The following NOVA1 variants were observed in gnomAD, a reference collection of about 807,000 sequenced individuals.
NOVA1 encodes RNA-binding protein Nova-1.
In NOVA1, 7 loss-of-function variants were observed where a neutral mutation model predicts 38.0. The observed-to-expected ratio is 0.18, with a 90% CI of 0.10 to 0.35. NOVA1 has a LOEUF of 0.35. NOVA1 is among the 10% of genes least tolerant of loss of function. The pLI is 1.00. For synonymous variants in NOVA1, 270 were observed against 232.5 expected (o/e 1.16, Z -1.47); for missense variants, 460 against 616.0 (o/e 0.75, Z 2.68).
intron 4 of NOVA1, among the ~76,000 whole-genome samples, chr14:26,456,758 T>C (rs967697743): frequency 6.6e-6 from 1 of 152,004 alleles, no homozygotes; most frequent in Admixed American, 6.6e-5. Flanking sequence ...CAGAGGACAT[T>C]GTACAATGTA....
chr14:26,558,182 A>G (rs1207323152), intron 2 of NOVA1, among the ~76,000 whole-genome samples: 1 of 152,028 alleles, frequency 6.6e-6, no homozygotes, highest in African/African-American at 2.4e-5. Context: ...TCTTATATAT[A>G]TATATATGAA....
Position 26,446,685 on chromosome 14 carries a change from A to T in NOVA1, c.*1274T>A, listed in dbSNP as rs1463240209. On this transcript the variant is annotated 3_prime_UTR_variant, in exon 5 of 5. Coordinates refer to ENST00000539517, the MANE Select transcript of NOVA1 (RefSeq NM_002515.3). ...CAAATGGCCTGGACAGTTGGCACTCAGGAGAGGTACAGAAGAGGGTGACAG... is the reference window on the plus strand; with the variant it reads ...CAAATGGCCTGGACAGTTGGCACTCTGGAGAGGTACAGAAGAGGGTGACAG... 1 of 152,736 alleles carries T rather than the reference A, an allele frequency of 6.5e-6. No homozygotes were observed. Among genetic ancestry groups the T allele is most frequent in the African/African-American group, 2.4e-5 (1 of 41,446 alleles). The allele number at this position is 152,736 out of a possible 1,614,324, so 9.5% of individuals were successfully genotyped here. A position where few individuals can be genotyped will look rare whatever the true frequency, so the allele number is the denominator to read the frequency against.
chr14:26,482,248 T>C (rs1885530495), intron 2 of NOVA1, among the ~76,000 whole-genome samples: 1 of 152,128 alleles, frequency 6.6e-6, no homozygotes. Context: ...TTGCAGTACA[T>C]ACTGTTTGAA....
intron 2 of NOVA1, among the ~76,000 whole-genome samples, chr14:26,580,402 GATT>G (rs1893138985): frequency 6.6e-6 from 1 of 152,034 alleles, no homozygotes; most frequent in Admixed American, 6.6e-5. Context: ...TTTCACATGA[GATT>G]ATTATAATTT....
At chr14:26,523,877 A>C (rs1378478163) in intron 2 of NOVA1, among the ~76,000 whole-genome samples, 1 of 151,004 alleles carries the variant, frequency 6.6e-6, no homozygotes, top group Non-Finnish European at 1.5e-5. Flanking sequence ...CAGCCTCCTG[A>C]GTAGCTGGGA....
At chr14:26,462,511 G>A (rs1883768099) in intron 4 of NOVA1, among the ~76,000 whole-genome samples, 1 of 151,614 alleles carries the variant, frequency 6.6e-6, no homozygotes, top group Admixed American at 6.6e-5. Flanking sequence ...TCTCATAATA[G>A]GTCTATTAAT....
intron 2 of NOVA1, among the ~76,000 whole-genome samples, chr14:26,510,798 T>C (rs1284081626): frequency 6.6e-6 from 1 of 152,158 alleles, no homozygotes; most frequent in Non-Finnish European, 1.5e-5. Flanking sequence ...AAAGACTACC[T>C]GTCAGAGTTA....
At chr14:26,560,214 C>A (rs1055883485) in intron 2 of NOVA1, among the ~76,000 whole-genome samples, 1 of 151,942 alleles carries the variant, frequency 6.6e-6, no homozygotes, top group Non-Finnish European at 1.5e-5. Flanking sequence ...TTTAATAATA[C>A]ATGTCTTTAA....
intron 2 of NOVA1, among the ~76,000 whole-genome samples, chr14:26,574,378 T>C (rs1345507637): frequency 6.7e-6 from 1 of 150,170 alleles, no homozygotes; most frequent in Non-Finnish European, 1.5e-5. Context: ...TAGAAACGAG[T>C]ATCATAAAAT....
At chr14:26,503,642 T>G (rs116571685) in intron 2 of NOVA1, among the ~76,000 whole-genome samples, 2,115 of 152,088 alleles carry the variant, frequency 0.014, 54 homozygotes, top group African/African-American at 0.049. Flanking sequence ...AAATTAAAAT[T>G]CACAAGCAAA....
At chr14:26,530,897 C>T (rs560805326) in intron 2 of NOVA1, among the ~76,000 whole-genome samples, 4 of 152,174 alleles carry the variant, frequency 2.6e-5, no homozygotes, top group African/African-American at 9.6e-5. Context: ...TATAACAATA[C>T]GAATGACATT....
chr14:26,546,409 TTATC>T (rs1890791304), intron 2 of NOVA1, among the ~76,000 whole-genome samples: 1 of 152,216 alleles, frequency 6.6e-6, no homozygotes, highest in East Asian at 1.9e-4. Context: ...TTTTAAAAAA[TTATC>T]TATTTGAGAG....
At chr14:26,475,448 T>G (rs1366251015) in intron 3 of NOVA1, among the ~76,000 whole-genome samples, 1 of 152,234 alleles carries the variant, frequency 6.6e-6, no homozygotes, top group East Asian at 1.9e-4. Flanking sequence ...ATCATGAAGA[T>G]GTAATTAACT....
chr14:26,569,692 GC>G (rs954143774), intron 2 of NOVA1, among the ~76,000 whole-genome samples: 1 of 152,106 alleles, frequency 6.6e-6, no homozygotes, highest in Non-Finnish European at 1.5e-5. Context: ...AATCAAAGAA[GC>G]AAAAGTGGCC....
At position 26,444,337 on chromosome 14, in the gene NOVA1, T is replaced by C. The variant is rs995004503; in HGVS notation, c.*3622A>G. The C allele has an allele frequency of 6.6e-6, 1 of 152,146 alleles. No homozygotes were observed. Among genetic ancestry groups the C allele is most frequent in the African/African-American group, 2.4e-5 (1 of 41,436 alleles). 9.4% of individuals were successfully genotyped at this position (152,146 alleles called of 1,614,324 possible). A position where few individuals can be genotyped will look rare whatever the true frequency, so the allele number is the denominator to read the frequency against. ...TCTTGATAGCACCATTTACACATTC[T>C]TAAAGTAAACATTAATATGCACTTT... On this transcript the variant is annotated 3_prime_UTR_variant, in exon 5 of 5. Transcript: ENST00000539517.
intron 2 of NOVA1, among the ~76,000 whole-genome samples, chr14:26,493,067 C>T (rs1283406105): frequency 1.3e-5 from 2 of 152,162 alleles, no homozygotes; most frequent in African/African-American, 4.8e-5. Flanking sequence ...CAACTCAACT[C>T]ATTTGCTAAA....
chr14:26,576,616 T>C (rs984683635), intron 2 of NOVA1, among the ~76,000 whole-genome samples: 4 of 151,846 alleles, frequency 2.6e-5, no homozygotes, highest in Admixed American at 6.6e-5. Flanking sequence ...TGTGTATATA[T>C]ATATACACAT....
At chr14:26,509,200 G>C (rs933474177) in intron 2 of NOVA1, among the ~76,000 whole-genome samples, 2 of 152,116 alleles carry the variant, frequency 1.3e-5, no homozygotes, top group Admixed American at 6.5e-5. Context: ...ATAGTAAGCA[G>C]AAAGCCTGAA....
At chr14:26,570,198 T>C (rs921483071) in intron 2 of NOVA1, among the ~76,000 whole-genome samples, 10 of 151,902 alleles carry the variant, frequency 6.6e-5, no homozygotes, top group African/African-American at 2.4e-4. Flanking sequence ...AATACAAAAA[T>C]TAGCCGGCAG....
Sources: gnomAD v4.1 joint callset for allele counts (sites outside exome capture counted in the v4.1 genomes callset) on GRCh38, gnomAD v4.1.1 for gene constraint, MANE v1.5 for transcripts, NCBI Gene and HGNC (gene_info 2026-07-23, HGNC 2026-07-21) for gene names.